The following EEF1G variants were observed in gnomAD, a reference collection of about 807,000 sequenced individuals.
EEF1G encodes eukaryotic translation elongation factor 1 gamma, also known as elongation factor 1-gamma.
In EEF1G, 14 loss-of-function variants were observed where a neutral mutation model predicts 58.3. The ratio of observed to expected loss-of-function variants is 0.24; its 90% CI spans 0.16 to 0.38. EEF1G has a LOEUF of 0.38. Among genes scored for constraint, EEF1G ranks in the 10% least tolerant of loss-of-function variants. The pLI, the probability that EEF1G is intolerant of heterozygous loss-of-function variation, is 1.00. For synonymous variants in EEF1G, 180 were observed against 206.8 expected (o/e 0.87, Z 1.11); for missense variants, 322 against 550.1 (o/e 0.59, Z 4.15).
intron 7 of EEF1G, among the ~76,000 whole-genome samples, chr11:62,561,764 A>C (rs1014392714): frequency 1.3e-5 from 2 of 151,324 alleles, no homozygotes; most frequent in Admixed American, 1.3e-4. Context: ...TTTTACTCTA[A>C]CTCACTACTT....
intron 7 of EEF1G, among the ~76,000 whole-genome samples, chr11:62,564,587 C>A (rs1374217132): frequency 1.3e-5 from 2 of 149,782 alleles, no homozygotes; most frequent in Non-Finnish European, 3.0e-5. Flanking sequence ...ATGGTGAAAC[C>A]CTGTCTCTGC....
chr11:62,572,852 T>C, intron 1 of EEF1G, 110 bp from the exon 2 acceptor site: 1 of 1,051,874 alleles, frequency 9.5e-7, no homozygotes, highest in Non-Finnish European at 1.4e-6. Context: ...ACTCACCCTT[T>C]TACTTCCTCT....
At position 62,567,330 on chromosome 11, in the gene EEF1G, C is replaced by T. The variant is rs2134293844; in HGVS notation, c.652+69G>A. ...ATAACCCAAAAGCAAGACAGGAAAT[C>T]AAGGGGTTGATGCAGAGCAAACCAG... On this transcript the variant is annotated intron_variant, in intron 6 of 9. Transcript: ENST00000329251. The T allele has an allele frequency of 4.0e-6, 6 of 1,518,370 alleles. No homozygotes were observed. The South Asian group carries it at 8.1e-5, about 20-fold the overall frequency. 94.1% of individuals were successfully genotyped at this position (1,518,370 alleles called of 1,614,324 possible).
At chr11:62,571,493 C>A (rs574700843) in intron 4 of EEF1G, 47 bp downstream of exon 4, 2 of 1,557,706 alleles carry the variant, frequency 1.3e-6, no homozygotes, top group East Asian at 4.7e-5. Flanking sequence ...CACCCAGGAG[C>A]TGATGCCACC....
chr11:62,562,882 A>G (rs575206482), intron 7 of EEF1G, among the ~76,000 whole-genome samples: 1 of 152,248 alleles, frequency 6.6e-6, no homozygotes, highest in East Asian at 2.0e-4. Flanking sequence ...TGGACATCCT[A>G]TCCATGCTGT....
chr11:62,566,872 T>C lies in EEF1G; in HGVS notation c.791A>G (p.Asp264Gly), dbSNP rs759624665. The C allele has an allele frequency of 5.0e-6, 8 of 1,613,364 alleles. No homozygotes were observed. Among genetic ancestry groups the C allele is most frequent in the Non-Finnish European group, 6.8e-6 (8 of 1,179,782 alleles). ...AGCAGCCAGCGCCTGCTCACATTCA[T>C]CCATCTCCTCCTCAGGAGCAGGGGC... Reference protein sequence around the residue: ...AAAPAPEEEMDECEQALAAEP... With the variant: ...AAAPAPEEEMGECEQALAAEP... Residue 264 changes from aspartate (D) to glycine (G), a missense_variant, in exon 7 of 10, where the codon GAT becomes GGT. Coordinates refer to ENST00000329251, the MANE Select transcript of EEF1G (RefSeq NM_001404.5).
At position 62,560,388 on chromosome 11, in the gene EEF1G, T is replaced by C. The variant is rs1252771812; in HGVS notation, c.924A>G (p.Pro308=). The change falls in exon 8 of 10, where the codon CCA becomes CCG. Residue 308 remains proline (P), a synonymous_variant. Transcript: ENST00000329251. ...CCTTATCAAAGTGCTCCCAGAAATA[T>C]GGCAGTGCCACAGAGAGTGTGTCCT... ...SNEDTLSVAL[P]YFWEHFDKDG... is the part of the protein sequence containing the mutation. 2 of 1,609,314 alleles carry C rather than the reference T, an allele frequency of 1.2e-6. No homozygotes were observed. Among genetic ancestry groups the C allele is most frequent in the Non-Finnish European group, 8.5e-7 (1 of 1,177,678 alleles).
chr11:62,562,136 T>C (rs1941503458), intron 7 of EEF1G, among the ~76,000 whole-genome samples: 1 of 152,236 alleles, frequency 6.6e-6, no homozygotes, highest in Non-Finnish European at 1.5e-5. Context: ...TAACCATTTG[T>C]CTTTTAAATT....
At chr11:62,567,651 T>C (rs903602815) in intron 5 of EEF1G, 123 bp from the exon 6 acceptor site, 18 of 930,388 alleles carry the variant, frequency 1.9e-5, no homozygotes, top group South Asian at 2.4e-5. Flanking sequence ...CTATAGACAA[T>C]AGCTTCATAC....
chr11:62,572,802 C>A (rs1590712305), intron 1 of EEF1G, 60 bp from the exon 2 acceptor site: 1 of 1,503,096 alleles, frequency 6.7e-7, no homozygotes, highest in African/African-American at 1.4e-5. Flanking sequence ...CTTAATGCCA[C>A]TCTCCAGGAT....
chr11:62,561,446 G>A (rs1423210895), intron 7 of EEF1G, among the ~76,000 whole-genome samples: 7 of 150,684 alleles, frequency 4.6e-5, no homozygotes, highest in Non-Finnish European at 7.4e-5. Context: ...AGGCCGAGGC[G>A]GGCGGATCAC....
chr11:62,563,196 G>A (rs112743053), intron 7 of EEF1G, among the ~76,000 whole-genome samples: 236 of 151,852 alleles, frequency 1.6e-3, no homozygotes, highest in African/African-American at 5.4e-3. Flanking sequence ...GTGCAATCTC[G>A]GCTCACTGCA....
intron 4 of EEF1G, 50 bp from the exon 5 acceptor site, chr11:62,571,158 C>T (rs747233499): frequency 6.2e-7 from 1 of 1,612,536 alleles, no homozygotes; most frequent in Non-Finnish European, 8.5e-7. Context: ...ATCCCTTTCC[C>T]TCACCTCCCC....
rs1226467744 is a variant in EEF1G, at chr11:62,567,357, C to T, written c.652+42G>A. 4 of 1,578,054 alleles carry T rather than the reference C, an allele frequency of 2.5e-6. No homozygotes were observed. In the African/African-American group the frequency reaches 5.4e-5, roughly 21 times the overall value. On this transcript the variant is annotated intron_variant, in intron 6 of 9. Transcript: ENST00000329251. The stretch of plus-strand genomic sequence containing the variant: ...AGGGGTTGATGCAGAGCAAACCAGA[C>T]CCTGATCCTGGCCATATGCCTCCCA...
At chr11:62,571,218 C>T in intron 4 of EEF1G, 110 bp from the exon 5 acceptor site, 1 of 1,517,102 alleles carries the variant, frequency 6.6e-7, no homozygotes, top group Non-Finnish European at 9.0e-7. Context: ...TGAGCTCACC[C>T]TCACTCTCTT....
intron 5 of EEF1G, among the ~76,000 whole-genome samples, chr11:62,569,927 C>A (rs1941605665): frequency 6.6e-6 from 1 of 152,202 alleles, no homozygotes. Flanking sequence ...GTGATTATTA[C>A]TACCCTGATT....
chr11:62,559,959 T>C (rs1379296382), intron 9 of EEF1G, 110 bp downstream of exon 9: 2 of 1,606,358 alleles, frequency 1.2e-6, no homozygotes, highest in Admixed American at 1.7e-5. Flanking sequence ...TGCTCCTTCC[T>C]ATAAGCATTC....
At chr11:62,565,447 A>G (rs74995257) in intron 7 of EEF1G, among the ~76,000 whole-genome samples, 54 of 152,316 alleles carry the variant, frequency 3.5e-4, no homozygotes, top group African/African-American at 1.3e-3. Context: ...TGGTAACCCA[A>G]TAAATAGACA....
At position 62,571,576 on chromosome 11, in the gene EEF1G, C is replaced by T. The variant is rs772573367; in HGVS notation, c.342G>A (p.Val114=). Residue 114 remains valine, a synonymous_variant, in exon 4 of 10, where the codon GTG becomes GTA. Coordinates refer to ENST00000329251, the MANE Select transcript of EEF1G (RefSeq NM_001404.5). ...GGTGCATGATGCCCAAGGTGGGGAA[C>T]ACCCAGGTACTGGCTGGGGGCACTA... is the stretch of plus-strand genomic sequence containing the variant. ...SDIVPPASTW[V]FPTLGIMHHN... 8.2e-6 allele frequency: 13 copies of T among 1,595,006 alleles called. No individual in the cohort carries two copies. Among genetic ancestry groups the T allele is most frequent in the Non-Finnish European group, 1.0e-5 (12 of 1,170,404 alleles).
Sources: gnomAD v4.1 joint callset for allele counts (sites outside exome capture counted in the v4.1 genomes callset) on GRCh38, gnomAD v4.1.1 for gene constraint, MANE v1.5 for transcripts, NCBI Gene and HGNC (gene_info 2026-07-23, HGNC 2026-07-21) for gene names.